RAD51B: variants seen among roughly 807,000 people sequenced by gnomAD.
The protein encoded by RAD51B is DNA repair protein RAD51 homolog 2.
A neutral mutation model predicts 42.2 loss-of-function variants in RAD51B; 38 were observed. That is an observed-to-expected ratio of 0.90 (90% CI 0.70 to 1.18). The LOEUF (loss-of-function observed/expected upper bound fraction) is 1.18, where lower values mean the gene tolerates loss of function less well. Among genes scored for constraint, RAD51B ranks in the 50% most tolerant of loss-of-function variants. RAD51B has a pLI of 0.00. For missense variants in RAD51B, 373 were observed against 400.7 expected (o/e 0.93, Z 0.59); for synonymous variants, 154 against 145.2 (o/e 1.06, Z -0.43).
At chr14:68,653,487 C>T (rs1165597747) in intron 11 of RAD51B, among the ~76,000 whole-genome samples, 1 of 152,182 alleles carries the variant, frequency 6.6e-6, no homozygotes, top group Non-Finnish European at 1.5e-5. Flanking sequence ...GTTTCTCAAC[C>T]TCCGTACAAC....
chr14:67,968,195 C>T (rs1387094985), intron 7 of RAD51B, among the ~76,000 whole-genome samples: 1 of 152,160 alleles, frequency 6.6e-6, no homozygotes, highest in African/African-American at 2.4e-5. Context: ...AGCATGGGGC[C>T]CTGGGCCCAG....
At chr14:67,872,676 T>C (rs1311604116) in intron 5 of RAD51B, among the ~76,000 whole-genome samples, 1 of 151,940 alleles carries the variant, frequency 6.6e-6, no homozygotes. Context: ...TCACACTACC[T>C]GACTTCAAAC....
At chr14:68,594,063 T>C (rs1890875647) in intron 10 of RAD51B, among the ~76,000 whole-genome samples, 1 of 152,176 alleles carries the variant, frequency 6.6e-6, no homozygotes, top group Non-Finnish European at 1.5e-5. Flanking sequence ...TTAGGACAGC[T>C]GAAAAGAGAG....
intron 7 of RAD51B, among the ~76,000 whole-genome samples, chr14:68,243,623 G>A (rs547683031): frequency 1.6e-4 from 24 of 152,244 alleles, no homozygotes; most frequent in African/African-American, 5.8e-4. Context: ...TTGCTTGGTA[G>A]TAATTGACAC....
At chr14:68,040,926 G>A (rs568605432) in intron 7 of RAD51B, among the ~76,000 whole-genome samples, 5 of 152,290 alleles carry the variant, frequency 3.3e-5, no homozygotes, top group Middle Eastern at 3.4e-3. Flanking sequence ...TCTGCCTCCC[G>A]TAGGAGAAGA....
intron 7 of RAD51B, among the ~76,000 whole-genome samples, chr14:68,118,472 C>T (rs976683359): frequency 2.0e-5 from 3 of 152,206 alleles, no homozygotes; most frequent in Admixed American, 2.0e-4. Flanking sequence ...GAGCCATAGA[C>T]TCTGAATGTA....
chr14:68,156,455 TTCTCTC>T lies in RAD51B; in HGVS notation c.757-135393_757-135388del, dbSNP rs10650896. ...AAGTCAAGAAAGCACCTTAGAAAATTTCTCTCTCTCTCTCTCTCTCTCTCTCTCTCT... is the reference window on the plus strand; with the variant it reads ...AAGTCAAGAAAGCACCTTAGAAAATTTCTCTCTCTCTCTCTCTCTCTCTCT... On this transcript the variant is annotated intron_variant, in intron 7 of 10. Transcript: ENST00000471583. Among the ~76,000 whole-genome samples the T allele has an allele frequency of 9.2e-3, 1,057 of 114,334 alleles. 8 individuals are homozygous for T. The highest frequency in any genetic ancestry group is 0.024 in the East Asian group (86 of 3,622). The allele number at this position is 114,334 out of a possible 152,430, so 75.0% of individuals were successfully genotyped here. A position where few individuals can be genotyped will look rare whatever the true frequency, so the allele number is the denominator to read the frequency against.
rs1420926620 is a variant in RAD51B at position 67,964,696 on chromosome 14, T to G, written c.756+77492T>G. ...TTGGGTGTGGCAGGTTTTAGAATGT[T>G]AAGTGGTAGTACAGGTTCCTGAACA... On this transcript the variant is annotated intron_variant, in intron 7 of 10. Transcript: ENST00000471583. Among the ~76,000 whole-genome samples, 4 of 152,282 alleles carry G rather than the reference T, an allele frequency of 2.6e-5. No homozygotes were observed. The East Asian group carries it at 7.7e-4, about 29-fold the overall frequency.
chr14:68,606,829 A>T (rs549049714), intron 10 of RAD51B, among the ~76,000 whole-genome samples: 1 of 152,172 alleles, frequency 6.6e-6, no homozygotes, highest in African/African-American at 2.4e-5. Flanking sequence ...GGCAACTGCT[A>T]ATTTGCTGTG....
At chr14:68,356,037 A>G (rs1022212253) in intron 8 of RAD51B, among the ~76,000 whole-genome samples, 30 of 152,378 alleles carry the variant, frequency 2.0e-4, no homozygotes, top group African/African-American at 7.2e-4. Context: ...CCCAGGTTAT[A>G]TAGCCATATC....
intron 7 of RAD51B, among the ~76,000 whole-genome samples, chr14:68,256,397 C>T (rs923773428): frequency 3.9e-5 from 6 of 152,156 alleles, no homozygotes; most frequent in African/African-American, 1.4e-4. Flanking sequence ...CTGGAAAGTC[C>T]ATTAAAGGTG....
chr14:68,292,492 T>C (rs1270807069), intron 8 of RAD51B, among the ~76,000 whole-genome samples: 1 of 152,196 alleles, frequency 6.6e-6, no homozygotes, highest in African/African-American at 2.4e-5. Context: ...AGGCTGGCTA[T>C]GGTTTCGATG....
chr14:68,444,815 T>C (rs937413139), intron 9 of RAD51B, among the ~76,000 whole-genome samples: 7 of 152,128 alleles, frequency 4.6e-5, no homozygotes, highest in African/African-American at 7.2e-5. Context: ...TGGGGGGGCA[T>C]ATTTCTGTTT....
intron 8 of RAD51B, among the ~76,000 whole-genome samples, chr14:68,389,171 T>G (rs2083678493): frequency 6.6e-6 from 1 of 152,190 alleles, no homozygotes. Flanking sequence ...TCGTAGTGTA[T>G]AGCTCCATGA....
intron 7 of RAD51B, among the ~76,000 whole-genome samples, chr14:68,082,615 A>T (rs1438772555): frequency 6.6e-6 from 1 of 151,948 alleles, no homozygotes; most frequent in Non-Finnish European, 1.5e-5. Flanking sequence ...TTCACTTAAC[A>T]CTATGTCTTG....
intron 7 of RAD51B, among the ~76,000 whole-genome samples, chr14:68,034,333 A>T (rs1026941321): frequency 6.6e-6 from 1 of 151,300 alleles, no homozygotes; most frequent in African/African-American, 2.4e-5. Context: ...GTGCAGTGGT[A>T]CACTCACAGC....
At chr14:67,860,081 C>T (rs945714194) in intron 4 of RAD51B, among the ~76,000 whole-genome samples, 10 of 152,156 alleles carry the variant, frequency 6.6e-5, no homozygotes, top group Non-Finnish European at 1.3e-4. Flanking sequence ...CTCGGCCTCC[C>T]AAAGTGCTGG....
intron 7 of RAD51B, among the ~76,000 whole-genome samples, chr14:68,158,402 A>G (rs2078563844): frequency 1.3e-5 from 2 of 152,200 alleles, no homozygotes; most frequent in South Asian, 4.1e-4. Context: ...TGAAATGCCG[A>G]ACTGTAATTG....
chr14:68,131,006 A>G (rs983106566), intron 7 of RAD51B, among the ~76,000 whole-genome samples: 9 of 152,190 alleles, frequency 5.9e-5, no homozygotes. Context: ...ATACAAATGT[A>G]TTTAGCTAAT....
Sources: allele counts gnomAD v4.1 joint callset (sites outside exome capture counted in the v4.1 genomes callset), GRCh38; gene constraint gnomAD v4.1.1; transcripts MANE v1.5; gene names NCBI Gene and HGNC (gene_info 2026-07-23, HGNC 2026-07-21).